Variants in LRP1B observed in about 807,000 individuals in gnomAD.
LRP1B encodes the protein low-density lipoprotein receptor-related protein 1B.
A neutral mutation model predicts 556.6 loss-of-function variants in LRP1B; 217 were observed. The observed-to-expected ratio is 0.39, with a 90% CI of 0.35 to 0.44. The LOEUF (loss-of-function observed/expected upper bound fraction) is 0.44. Among genes scored for constraint, LRP1B ranks in the 20% least tolerant of loss-of-function variants. The pLI is 1.00. For missense variants in LRP1B, 5,053 were observed against 5,620.8 expected (o/e 0.90, Z 3.23); for synonymous variants, 2,047 against 1,865.8 (o/e 1.10, Z -2.50).
chr2:141,197,875 T>C (rs1423705124), intron 6 of LRP1B, among the ~76,000 whole-genome samples: 1 of 152,090 alleles, frequency 6.6e-6, no homozygotes, highest in African/African-American at 2.4e-5. Flanking sequence ...ATGGCAGAAA[T>C]TTTGAAGACA....
chr2:140,736,155 TAG>T (rs1167445691), intron 35 of LRP1B, among the ~76,000 whole-genome samples: 1 of 151,834 alleles, frequency 6.6e-6, no homozygotes, highest in Non-Finnish European at 1.5e-5. Flanking sequence ...GGGAAGGAAG[TAG>T]AGATGCAGAA....
At chr2:140,998,474 G>T (rs1048063468) in intron 15 of LRP1B, among the ~76,000 whole-genome samples, 1 of 151,814 alleles carries the variant, frequency 6.6e-6, no homozygotes. Context: ...TATAAAGTTT[G>T]CTTGGTAATT....
chr2:141,609,748 T>C (rs532477526), intron 2 of LRP1B, among the ~76,000 whole-genome samples: 1 of 152,272 alleles, frequency 6.6e-6, no homozygotes, highest in African/African-American at 2.4e-5. Context: ...TTCTTCCAGG[T>C]GCCCACACAA....
chr2:140,739,380 C>A (rs1294152133), intron 35 of LRP1B, among the ~76,000 whole-genome samples: 2 of 149,120 alleles, frequency 1.3e-5, no homozygotes, highest in African/African-American at 2.5e-5. Flanking sequence ...AAAAAAATGA[C>A]AGAATAGGTA....
chr2:140,434,555 G>A (rs1232896775), intron 66 of LRP1B, among the ~76,000 whole-genome samples: 1 of 152,102 alleles, frequency 6.6e-6, no homozygotes, highest in African/African-American at 2.4e-5. Flanking sequence ...CCAACAAGAG[G>A]TGACAGTTAT....
At chr2:141,427,592 A>G (rs971610669) in intron 3 of LRP1B, among the ~76,000 whole-genome samples, 1 of 152,214 alleles carries the variant, frequency 6.6e-6, no homozygotes, top group Admixed American at 6.5e-5. Flanking sequence ...AATGCTGAAT[A>G]TAATTGTTTC....
At chr2:141,629,680 T>TTA in intron 2 of LRP1B, among the ~76,000 whole-genome samples, 1 of 152,172 alleles carries the variant, frequency 6.6e-6, no homozygotes, top group Non-Finnish European at 1.5e-5. Context: ...TGTATGAGGT[T>TTA]GGTATTTCCA....
intron 6 of LRP1B, among the ~76,000 whole-genome samples, chr2:141,192,604 T>C (rs1484569402): frequency 2.0e-5 from 3 of 151,922 alleles, no homozygotes; most frequent in African/African-American, 4.8e-5. Context: ...ATTCTTTTTT[T>C]CAACCAAAAG....
chr2:140,906,206 T>C (rs1398485488), intron 22 of LRP1B, among the ~76,000 whole-genome samples: 1 of 152,166 alleles, frequency 6.6e-6, no homozygotes, highest in African/African-American at 2.4e-5. Flanking sequence ...AGATTCCTCC[T>C]TATAATCTAT....
intron 2 of LRP1B, among the ~76,000 whole-genome samples, chr2:141,655,629 T>C (rs1689977625): frequency 6.6e-6 from 1 of 152,302 alleles, no homozygotes; most frequent in African/African-American, 2.4e-5. Flanking sequence ...GGGTTATTGC[T>C]ACCATAAAGA....
rs1370051413 is a variant in LRP1B at position 141,973,883 on chromosome 2, A to G, written c.82+156765T>C. On this transcript the variant is annotated intron_variant, in intron 1 of 90. Transcript: ENST00000389484. ...TGAGACTCACTTTGTTCTTTATAAA[A>G]CTATTTACATACCAGTGTTCTAGGC... 2.0e-5 allele frequency among the ~76,000 whole-genome samples: 3 copies of G among 151,878 alleles called. No individual in the cohort carries two copies. The Admixed American group carries it at 2.0e-4, about 10-fold the overall frequency.
intron 35 of LRP1B, among the ~76,000 whole-genome samples, chr2:140,763,330 T>C (rs1688994978): frequency 6.6e-6 from 1 of 152,076 alleles, no homozygotes; most frequent in African/African-American, 2.4e-5. Flanking sequence ...ATTCTGAATG[T>C]ACCACTGAGG....
intron 2 of LRP1B, among the ~76,000 whole-genome samples, chr2:141,520,931 G>C (rs1684504470): frequency 6.6e-6 from 1 of 151,930 alleles, no homozygotes; most frequent in Non-Finnish European, 1.5e-5. Flanking sequence ...TGGTGATGGT[G>C]ACTTTTCTCC....
intron 27 of LRP1B, among the ~76,000 whole-genome samples, chr2:140,860,979 T>C (rs1156327705): frequency 5.2e-5 from 3 of 57,834 alleles, no homozygotes; most frequent in Admixed American, 3.0e-4. Flanking sequence ...ATTGTGCATC[T>C]ATCTATCTAT....
chr2:141,380,268 G>T (rs1689589060), intron 3 of LRP1B, among the ~76,000 whole-genome samples: 2 of 151,920 alleles, frequency 1.3e-5, no homozygotes, highest in Admixed American at 1.3e-4. Context: ...CCTGGAAGGG[G>T]TTTGGCTACA....
rs140606184 is a variant in LRP1B, at chr2:141,625,915, A to G, written c.206-145382T>C. Among the ~76,000 whole-genome samples the G allele has an allele frequency of 9.8e-3, 1,498 of 152,258 alleles. 17 individuals carry two copies. Among genetic ancestry groups the G allele is most frequent in the Non-Finnish European group, 0.013 (879 of 67,988 alleles). Reference sequence around the variant, plus strand: ...AGATAATTCTATATTTAGATTGCATATTTCAAGAGCATTAAAAATATATTT... The same window carrying G: ...AGATAATTCTATATTTAGATTGCATGTTTCAAGAGCATTAAAAATATATTT... On this transcript the variant is annotated intron_variant, in intron 2 of 90. Transcript: ENST00000389484.
rs146868185 is a variant in LRP1B at position 141,958,940 on chromosome 2, A to G, written c.83-148539T>C. ...GAGTCAAAAATTTAATGTCTTCTTT[A>G]TTCTTATTTCTTGTGCTTCCAACAA... On this transcript the variant is annotated intron_variant, in intron 1 of 90. Coordinates refer to ENST00000389484, the MANE Select transcript of LRP1B (RefSeq NM_018557.3). 8.3e-3 allele frequency among the ~76,000 whole-genome samples: 1,256 copies of G among 152,032 alleles called. 15 individuals are homozygous for G. The highest frequency in any genetic ancestry group is 0.028 in the African/African-American group (1,143 of 41,532).
At chr2:140,666,223 G>A (rs1685265375) in intron 41 of LRP1B, among the ~76,000 whole-genome samples, 1 of 151,722 alleles carries the variant, frequency 6.6e-6, no homozygotes, top group Non-Finnish European at 1.5e-5. Context: ...TTGAATTCCT[G>A]ACCTCGTTAT....
chr2:141,104,482 A>G (rs530489210), intron 7 of LRP1B, among the ~76,000 whole-genome samples: 38 of 152,088 alleles, frequency 2.5e-4, no homozygotes, highest in Non-Finnish European at 4.1e-4. Flanking sequence ...TAAAACAGCA[A>G]TAGTTTTAAA....
Sources: gnomAD v4.1 joint callset for allele counts (sites outside exome capture counted in the v4.1 genomes callset) on GRCh38, gnomAD v4.1.1 for gene constraint, MANE v1.5 for transcripts, NCBI Gene and HGNC (gene_info 2026-07-23, HGNC 2026-07-21) for gene names.